The following ADAMTS14 variants were observed in gnomAD, a reference collection of about 807,000 sequenced individuals.
ADAMTS14 encodes the protein A disintegrin and metalloproteinase with thrombospondin motifs 14.
A neutral mutation model predicts 128.6 loss-of-function variants in ADAMTS14; 100 were observed. The observed-to-expected ratio is 0.78, with a 90% confidence interval of 0.66 to 0.92. ADAMTS14 has a LOEUF of 0.92. Ranked by LOEUF, ADAMTS14 falls within the 40% of genes least tolerant of loss-of-function variation. The pLI is 0.00. For synonymous variants in ADAMTS14, 665 were observed against 653.8 expected (o/e 1.02, Z -0.26); for missense variants, 1,562 against 1,658.6 (o/e 0.94, Z 1.01).
In ADAMTS14 at chr10:70,724,193, T is replaced by C. The variant is rs184026293; in HGVS notation, c.871-5101T>C. On this transcript the variant is annotated intron_variant, in intron 4 of 21. Transcript: ENST00000373207. ...AGAGTGTCCTGACTTTTGCTTGTTT[T>C]TCTGGTACATACCCAGTGGTTATCT... Among the ~76,000 whole-genome samples the C allele has an allele frequency of 2.2e-3, 340 of 152,318 alleles. 2 individuals are homozygous for C. Among genetic ancestry groups the C allele is most frequent in the African/African-American group, 7.9e-3 (327 of 41,566 alleles).
intron 2 of ADAMTS14, among the ~76,000 whole-genome samples, chr10:70,697,044 G>A (rs141081573): frequency 6.2e-4 from 95 of 152,278 alleles, no homozygotes; most frequent in African/African-American, 2.2e-3. Flanking sequence ...AAGGGGTGTC[G>A]GTGGAAATAA....
chr10:70,677,674 C>T (rs899814315), intron 2 of ADAMTS14, among the ~76,000 whole-genome samples: 5 of 152,200 alleles, frequency 3.3e-5, no homozygotes, highest in Admixed American at 3.3e-4. Flanking sequence ...GTCCTGAAGT[C>T]CAGTATCTGG....
At chr10:70,721,539 C>T (rs1841265280) in intron 4 of ADAMTS14, among the ~76,000 whole-genome samples, 1 of 151,994 alleles carries the variant, frequency 6.6e-6, no homozygotes, top group African/African-American at 2.4e-5. Flanking sequence ...GTACCCGCCA[C>T]CACGCCTGGC....
intron 12 of ADAMTS14, among the ~76,000 whole-genome samples, chr10:70,741,539 T>A (rs1841999867): frequency 6.6e-6 from 1 of 152,164 alleles, no homozygotes; most frequent in Admixed American, 6.5e-5. Flanking sequence ...GGAGAAGAAT[T>A]ATATAGGTGC....
chr10:70,705,010 C>T (rs1380949812), intron 3 of ADAMTS14, among the ~76,000 whole-genome samples: 1 of 152,158 alleles, frequency 6.6e-6, no homozygotes, highest in Non-Finnish European at 1.5e-5. Flanking sequence ...CATACTCACA[C>T]ACCCCTTCAC....
At chr10:70,717,385 A>G (rs1368779404) in intron 4 of ADAMTS14, among the ~76,000 whole-genome samples, 2 of 152,152 alleles carry the variant, frequency 1.3e-5, no homozygotes, top group Non-Finnish European at 2.9e-5. Flanking sequence ...GGCAGACAGC[A>G]CAGCAAGGTT....
chr10:70,711,816 C>A (rs79460638), intron 4 of ADAMTS14, among the ~76,000 whole-genome samples: 10,702 of 152,096 alleles, frequency 0.07, 498 homozygotes, highest in East Asian at 0.16. Flanking sequence ...AGCGGGTGGC[C>A]GGCACCCATT....
At chr10:70,699,533 T>C (rs1246450407) in intron 2 of ADAMTS14, among the ~76,000 whole-genome samples, 2 of 151,696 alleles carry the variant, frequency 1.3e-5, no homozygotes, top group African/African-American at 2.4e-5. Flanking sequence ...ACTGGGGAGG[T>C]TGTCAAAGTA....
At chr10:70,758,665 T>C (rs1842535463) in intron 21 of ADAMTS14, among the ~76,000 whole-genome samples, 1 of 152,258 alleles carries the variant, frequency 6.6e-6, no homozygotes, top group Non-Finnish European at 1.5e-5. Flanking sequence ...CCAAAAGTTC[T>C]GAATTCTGAA....
intron 2 of ADAMTS14, among the ~76,000 whole-genome samples, chr10:70,687,199 A>C (rs1484669540): frequency 1.8e-4 from 11 of 62,096 alleles, no homozygotes; most frequent in South Asian, 7.2e-4. Flanking sequence ...GACCCCCCCC[A>C]CCTCCCTCCC....
chr10:70,742,739 G>A (rs868532130), intron 12 of ADAMTS14, among the ~76,000 whole-genome samples: 13 of 152,190 alleles, frequency 8.5e-5, no homozygotes, highest in South Asian at 4.1e-4. Context: ...AGTTAGCTAA[G>A]CCCCCAACTT....
intron 2 of ADAMTS14, among the ~76,000 whole-genome samples, chr10:70,694,100 C>T (rs1047970672): frequency 1.3e-5 from 2 of 152,246 alleles, no homozygotes; most frequent in African/African-American, 2.4e-5. Context: ...AGCAGAGCTC[C>T]TGTGGCTTGG....
At chr10:70,732,448 G>T in intron 7 of ADAMTS14, 89 bp downstream of exon 7, 11 of 1,261,944 alleles carry the variant, frequency 8.7e-6, no homozygotes, top group Non-Finnish European at 1.2e-5. Flanking sequence ...TGCCCAGCTT[G>T]GCCTGGTTCC....
At chr10:70,739,108 G>A in intron 11 of ADAMTS14, 118 bp downstream of exon 11, 1 of 1,266,330 alleles carries the variant, frequency 7.9e-7, no homozygotes, top group Non-Finnish European at 1.1e-6. Flanking sequence ...GGGTGGTTGT[G>A]TATGCTAACG....
In ADAMTS14 at chr10:70,760,697, C is replaced by G; in HGVS notation, c.3516C>G (p.Ile1172Met). The part of the protein sequence containing the change: ...TQHPFAPETP[I>M]PGASWSISPT... ...ATCCCTTTGCCCCTGAGACACCAAT[C>G]CCTGGAGCATCCTGGAGCATCTCCC... The change falls in exon 22 of 22, where the codon ATC becomes ATG. Residue 1172 changes from isoleucine to methionine, a missense_variant. Ile to Met is a conservative substitution (Grantham distance 10, BLOSUM62 1). Transcript: ENST00000373207. The G allele has an allele frequency of 6.2e-7, 1 of 1,614,138 alleles. No individual in the cohort carries two copies. The highest frequency in any genetic ancestry group is 1.1e-5 in the South Asian group (1 of 91,078).
At chr10:70,675,115 C>A in intron 2 of ADAMTS14, 120 bp downstream of exon 2, 1 of 1,239,452 alleles carries the variant, frequency 8.1e-7, no homozygotes. Flanking sequence ...GTGCTGCCTT[C>A]CAGAGGGAGT....
chr10:70,743,057 A>C (rs545751237), intron 12 of ADAMTS14, among the ~76,000 whole-genome samples: 1 of 152,278 alleles, frequency 6.6e-6, no homozygotes, highest in East Asian at 1.9e-4. Context: ...TGAACCACTT[A>C]TCGTGTGGTT....
At chr10:70,727,822 G>A (rs1406148671) in intron 4 of ADAMTS14, among the ~76,000 whole-genome samples, 10 of 152,318 alleles carry the variant, frequency 6.6e-5, no homozygotes, top group Non-Finnish European at 8.8e-5. Flanking sequence ...TCGGCCGGGC[G>A]CGGTGGCTCA....
rs144259550 is a variant in ADAMTS14 at position 70,742,965 on chromosome 10, C to T, written c.1925-583C>T. On this transcript the variant is annotated intron_variant, in intron 12 of 21. Transcript: ENST00000373207. Reference sequence around the variant, plus strand: ...TCTAATGTTTACAAACATGTTAAGACGCATGTCATACATGTGCACAGTGAA... The same window carrying T: ...TCTAATGTTTACAAACATGTTAAGATGCATGTCATACATGTGCACAGTGAA... 5.0e-3 allele frequency among the ~76,000 whole-genome samples: 757 copies of T among 152,212 alleles called. 7 individuals are homozygous for T. Among genetic ancestry groups the T allele is most frequent in the African/African-American group, 0.017 (703 of 41,520 alleles).
Sources: gnomAD v4.1 joint callset for allele counts (sites outside exome capture counted in the v4.1 genomes callset) on GRCh38, gnomAD v4.1.1 for gene constraint, MANE v1.5 for transcripts, NCBI Gene and HGNC (gene_info 2026-07-23, HGNC 2026-07-21) for gene names.